The following FNTB variants were observed in gnomAD, a reference collection of about 807,000 sequenced individuals.
FNTB encodes farnesyltransferase, CAAX box, subunit beta, also known as protein farnesyltransferase subunit beta.
FNTB carries 27 observed loss-of-function variants against 59.4 expected under a neutral mutation model. The observed-to-expected ratio is 0.45, with a 90% CI of 0.34 to 0.63. The LOEUF (loss-of-function observed/expected upper bound fraction) is 0.63, where lower values mean the gene tolerates loss of function less well. FNTB is among the 20% of genes least tolerant of loss of function. FNTB has a pLI of 0.02. For synonymous variants in FNTB, 230 were observed against 220.7 expected, an observed-to-expected ratio of 1.04 and a Z score of -0.37; for missense variants, 449 against 559.6, an observed-to-expected ratio of 0.80 and a Z score of 1.99.
intron 3 of FNTB, among the ~76,000 whole-genome samples, chr14:65,013,279 GC>G (rs2061712473): frequency 6.6e-6 from 1 of 151,668 alleles, no homozygotes; most frequent in Non-Finnish European, 1.5e-5. Flanking sequence ...GCCCATTACT[GC>G]CATCTGGGAA....
chr14:65,024,625 A>G (rs2139563230), intron 4 of FNTB, among the ~76,000 whole-genome samples: 1 of 152,314 alleles, frequency 6.6e-6, no homozygotes. Flanking sequence ...GATGTATTGC[A>G]GCTTTCAGTC....
chr14:65,016,322 C>T (rs976335972), intron 4 of FNTB, among the ~76,000 whole-genome samples: 2 of 152,196 alleles, frequency 1.3e-5, no homozygotes, highest in African/African-American at 2.4e-5. Context: ...CATTCCCAGA[C>T]ACTCATCACC....
chr14:65,006,323 AT>A, intron 2 of FNTB: 1 of 1,610,008 alleles, frequency 6.2e-7, no homozygotes, highest in Non-Finnish European at 8.5e-7. Context: ...GCTTACTAGT[AT>A]AGTCTTTCCC....
In FNTB at chr14:64,997,460, T is replaced by C; in HGVS notation, c.145-6789T>C. On this transcript the variant is annotated intron_variant, in intron 1 of 11. Coordinates refer to ENST00000246166, the MANE Select transcript of FNTB (RefSeq NM_002028.4). The surrounding 1 kb of genome is among the most constrained non-coding windows in gnomAD (Gnocchi z 4.5). ...TATCCTTGAAAAACCTCCAAACCTTTGGGAAAATTGATTTGAGTAATAACT... is the reference window on the plus strand; with the variant it reads ...TATCCTTGAAAAACCTCCAAACCTTCGGGAAAATTGATTTGAGTAATAACT... Among the ~76,000 whole-genome samples the C allele has an allele frequency of 6.6e-6, 1 of 152,184 alleles. No homozygotes were observed. Among genetic ancestry groups the C allele is most frequent in the Non-Finnish European group, 1.5e-5 (1 of 68,036 alleles).
rs556842456 is a variant in FNTB at position 65,006,575 on chromosome 14, G to T, written c.209+2262G>T. Among the ~76,000 whole-genome samples, 11 of 152,304 alleles carry T rather than the reference G, an allele frequency of 7.2e-5. No homozygotes were observed. The East Asian group carries it at 2.1e-3, about 29-fold the overall frequency. Reference sequence around the variant, plus strand: ...AGACTTCATAATGGTGAGGGTGTGGGTGATTGCTTTTGGAGGGGCTTTGTT... The same window carrying T: ...AGACTTCATAATGGTGAGGGTGTGGTTGATTGCTTTTGGAGGGGCTTTGTT... On this transcript the variant is annotated intron_variant, in intron 2 of 11. Coordinates refer to ENST00000246166, the MANE Select transcript of FNTB (RefSeq NM_002028.4).
chr14:65,036,728 C>T lies in FNTB; in HGVS notation c.692+4032C>T, dbSNP rs542815587. On this transcript the variant is annotated intron_variant, in intron 7 of 11. Coordinates refer to ENST00000246166, the MANE Select transcript of FNTB (RefSeq NM_002028.4). ...TTTTTGTGTGTGATGGAGTCTTGCT[C>T]TGTCACCCAGGTTGGAGTGCAGTGG... 8.0e-5 allele frequency among the ~76,000 whole-genome samples: 12 copies of T among 150,372 alleles called. No homozygotes were observed. In the East Asian group the frequency reaches 2.2e-3, roughly 28 times the overall value.
chr14:65,054,762 G>C lies in FNTB; in HGVS notation c.1182+73G>C. 1 of 1,482,714 alleles carries C rather than the reference G, an allele frequency of 6.7e-7. No individual in the cohort carries two copies. Among genetic ancestry groups the C allele is most frequent in the South Asian group, 1.2e-5 (1 of 82,274 alleles). 91.8% of individuals were successfully genotyped at this position (1,482,714 alleles called of 1,614,324 possible). A position where few individuals can be genotyped will look rare whatever the true frequency, so the allele number is the denominator to read the frequency against. ...GGACAGAAGGCTTTCCAAGTAAGCA[G>C]AACTGGCTCTGCATTTCCTGTGTGG... On this transcript the variant is annotated intron_variant, in intron 11 of 11. Coordinates refer to ENST00000246166, the MANE Select transcript of FNTB (RefSeq NM_002028.4). This position sits in a 1 kb window ranked among gnomAD's most constrained non-coding sequence, Gnocchi z 4.4.
chr14:64,991,980 G>C lies in FNTB; in HGVS notation c.144+4883G>C, dbSNP rs1237085056. On this transcript the variant is annotated intron_variant, in intron 1 of 11. Coordinates refer to ENST00000246166, the MANE Select transcript of FNTB (RefSeq NM_002028.4). The surrounding 1 kb of genome is among the most constrained non-coding windows in gnomAD (Gnocchi z 4.4). ...GCAGTGGGCCACCACATATCCTAAG[G>C]AGGGACCAGCGGAACAGAATCCTGA... 6.6e-6 allele frequency among the ~76,000 whole-genome samples: 1 copy of C among 152,204 alleles called. No homozygotes were observed. Among genetic ancestry groups the C allele is most frequent in the Non-Finnish European group, 1.5e-5 (1 of 68,036 alleles).
chr14:65,037,408 T>C lies in FNTB; in HGVS notation c.693-3382T>C, dbSNP rs2062222487. Among the ~76,000 whole-genome samples, 14 of 43,142 alleles carry C rather than the reference T, an allele frequency of 3.2e-4. 1 individual carries two copies. The highest frequency in any genetic ancestry group is 5.5e-4 in the Admixed American group (2 of 3,608). The allele number at this position is 43,142 out of a possible 152,430, so 28.3% of individuals were successfully genotyped here. Reference sequence around the variant, plus strand: ...GTGAGCCACCACGCCGGGCCCTTTTTTTTTTTTTTTTTTTTTTTTTTTTTT... The same window carrying C: ...GTGAGCCACCACGCCGGGCCCTTTTCTTTTTTTTTTTTTTTTTTTTTTTTT... On this transcript the variant is annotated intron_variant, in intron 7 of 11. Coordinates refer to ENST00000246166, the MANE Select transcript of FNTB (RefSeq NM_002028.4).
At chr14:65,016,769 G>C (rs1416636903) in intron 4 of FNTB, among the ~76,000 whole-genome samples, 4 of 152,150 alleles carry the variant, frequency 2.6e-5, no homozygotes, top group Non-Finnish European at 5.9e-5. Flanking sequence ...TAACCCTTGT[G>C]GTACGTAGGA....
rs1435889170 is a variant in FNTB, at chr14:65,047,834, G to A, written c.955+3391G>A. On this transcript the variant is annotated intron_variant, in intron 9 of 11. Coordinates refer to ENST00000246166, the MANE Select transcript of FNTB (RefSeq NM_002028.4). The surrounding 1 kb of genome is among the most constrained non-coding windows in gnomAD (Gnocchi z 5.2). ...CTGCAAGATACAACATGAAGTGTAA[G>A]GGGGCGGGGCCTGGAGCAGTGCCTG... Among the ~76,000 whole-genome samples the A allele has an allele frequency of 6.6e-6, 1 of 152,178 alleles. No homozygotes were observed. Among genetic ancestry groups the A allele is most frequent in the Non-Finnish European group, 1.5e-5 (1 of 68,044 alleles).
intron 8 of FNTB, among the ~76,000 whole-genome samples, chr14:65,042,259 A>G (rs2062370252): frequency 6.6e-6 from 1 of 152,264 alleles, no homozygotes; most frequent in South Asian, 2.1e-4. Flanking sequence ...CTTTATTTCT[A>G]TTATTACACT....
In FNTB at chr14:65,001,641, C is replaced by T. The variant is rs552147422; in HGVS notation, c.145-2608C>T. On this transcript the variant is annotated intron_variant, in intron 1 of 11. Coordinates refer to ENST00000246166, the MANE Select transcript of FNTB (RefSeq NM_002028.4). This position sits in a 1 kb window ranked among gnomAD's most constrained non-coding sequence, Gnocchi z 5.5. ...TCCTGGGAGATCCTGGAACCAATCC[C>T]GCATGGATACTGAGGGATGATGGTA... 7.2e-5 allele frequency among the ~76,000 whole-genome samples: 11 copies of T among 152,268 alleles called. No individual in the cohort carries two copies. The highest frequency in any genetic ancestry group is 6.2e-4 in the South Asian group (3 of 4,826).
intron 1 of FNTB, among the ~76,000 whole-genome samples, chr14:64,988,581 C>T (rs1041475624): frequency 2.0e-5 from 3 of 151,734 alleles, no homozygotes; most frequent in African/African-American, 7.3e-5. Context: ...ACTACAGGCG[C>T]CCACCACCAC....
intron 1 of FNTB, among the ~76,000 whole-genome samples, chr14:64,992,644 G>T (rs1430962881): frequency 6.6e-6 from 1 of 152,018 alleles, no homozygotes; most frequent in East Asian, 1.9e-4. Context: ...TTTAAGAAAG[G>T]GTCTCACTTT....
Position 65,032,553 on chromosome 14 carries a change from T to C in FNTB, c.606-57T>C. 6.3e-7 allele frequency: 1 copy of C among 1,597,586 alleles called. No homozygotes were observed. ...CGAGCAGTCCGCCCGCGGAGTTCAC[T>C]GAGCCTCATTAGCTCTTCCGTAGAG... On this transcript the variant is annotated intron_variant, in intron 6 of 11. Transcript: ENST00000246166. The surrounding 1 kb of genome is among the most constrained non-coding windows in gnomAD (Gnocchi z 5.0).
At chr14:65,052,005 C>T (rs1322160403) in intron 9 of FNTB, among the ~76,000 whole-genome samples, 4 of 152,018 alleles carry the variant, frequency 2.6e-5, no homozygotes, top group East Asian at 1.9e-4. Flanking sequence ...CCGTGTTAGC[C>T]GGGATGGTCT....
Position 65,012,331 on chromosome 14 carries a change from G to A in FNTB, c.224G>A (p.Arg75Lys), listed in dbSNP as rs2061696455. ...NHLVPRLVLQ[R>K]EKHFHYLKRG... Reference sequence around the variant, plus strand: ...TGTCTTTCCAGGCTTGTTTTGCAGAGGGAGAAGCACTTCCATTATCTGAAA... The same window carrying A: ...TGTCTTTCCAGGCTTGTTTTGCAGAAGGAGAAGCACTTCCATTATCTGAAA... Residue 75 changes from arginine to lysine, a missense_variant, in exon 3 of 12, where the codon AGG becomes AAG. Around this residue, in one of 2 missense-constraint regions of FNTB, gnomAD observed 337 missense variants for 479.1 expected, o/e 0.70. Coordinates refer to ENST00000246166, the MANE Select transcript of FNTB (RefSeq NM_002028.4). The surrounding 1 kb of genome is among the most constrained non-coding windows in gnomAD (Gnocchi z 5.0). 6.2e-7 allele frequency: 1 copy of A among 1,614,000 alleles called. No individual in the cohort carries two copies. Among genetic ancestry groups the A allele is most frequent in the African/African-American group, 1.3e-5 (1 of 74,910 alleles).
intron 4 of FNTB, among the ~76,000 whole-genome samples, chr14:65,018,569 G>A (rs1260197227): frequency 6.6e-6 from 1 of 152,072 alleles, no homozygotes; most frequent in African/African-American, 2.4e-5. Context: ...CAGGGCTTGG[G>A]GAGGCCAAGG....
Sources: allele counts gnomAD v4.1 joint callset (sites outside exome capture counted in the v4.1 genomes callset), GRCh38; gene constraint gnomAD v4.1.1; regional missense constraint gnomAD v4.1.1; non-coding constraint Gnocchi (gnomAD v3.1); transcripts MANE v1.5; gene names NCBI Gene and HGNC (gene_info 2026-07-23, HGNC 2026-07-21).